The following VPS52 variants were observed in gnomAD, a reference collection of about 807,000 sequenced individuals.
VPS52 encodes VPS52 subunit of GARP complex.
VPS52 carries 56 observed loss-of-function variants against 98.7 expected under a neutral mutation model. The observed-to-expected ratio is 0.57, with a 90% CI of 0.46 to 0.71. VPS52 has a LOEUF of 0.71. Ranked by LOEUF, VPS52 falls within the 30% of genes least tolerant of loss-of-function variation. VPS52 has a pLI of 0.00. For missense variants in VPS52, 742 were observed against 925.9 expected (o/e 0.80, Z 2.58); for synonymous variants, 348 against 346.4 (o/e 1.00, Z -0.05).
intron 12 of VPS52, among the ~76,000 whole-genome samples, 164 bp from the exon 13 acceptor site, chr6:33,265,064 T>C (rs936397708): frequency 6.6e-6 from 1 of 152,014 alleles, no homozygotes; most frequent in Non-Finnish European, 1.5e-5. Context: ...CCAGGATCTA[T>C]GTTTTTGGCT....
intron 12 of VPS52, among the ~76,000 whole-genome samples, chr6:33,265,637 A>G (rs957721688): frequency 2.0e-5 from 3 of 151,906 alleles, no homozygotes; most frequent in East Asian, 3.9e-4. Context: ...CTCCCAAAGT[A>G]CTGGGATTGC....
rs949753617 is a variant in VPS52 at position 33,251,893 on chromosome 6, G to A, written c.1873C>T (p.Arg625Cys). 12 of 1,612,986 alleles carry A rather than the reference G, an allele frequency of 7.4e-6. No individual in the cohort carries two copies. Among genetic ancestry groups the A allele is most frequent in the South Asian group, 2.2e-5 (2 of 91,086 alleles). The part of the protein sequence containing the change: ...FVKEAEALIE[R>C]GQAERLRGEE... ...CCTCGAAGTCGCTCAGCCTGTCCACGCTCAATCAAAGCCTCAGCCTCCTTC... is the reference window on the plus strand; with the variant it reads ...CCTCGAAGTCGCTCAGCCTGTCCACACTCAATCAAAGCCTCAGCCTCCTTC... The change falls in exon 18 of 20, where the codon CGT becomes TGT. Residue 625 changes from arginine to cysteine, a missense_variant. By Grantham distance (180) the Arg-to-Cys change is radical. Transcript: ENST00000445902.
chr6:33,263,622 A>G (rs1330822043), intron 16 of VPS52, 73 bp from the exon 17 acceptor site: 1 of 1,598,590 alleles, frequency 6.3e-7, no homozygotes, highest in Non-Finnish European at 8.6e-7. Flanking sequence ...CCTTCATTCC[A>G]CACTTATTGT....
At chr6:33,251,753 A>G in intron 18 of VPS52, 107 bp downstream of exon 18, 9 of 1,433,864 alleles carry the variant, frequency 6.3e-6, no homozygotes, top group South Asian at 5.8e-5. Flanking sequence ...TATTCTCTCA[A>G]TCCAGTCTTT....
In VPS52 at chr6:33,264,050, T is replaced by G; in HGVS notation, c.1578A>C (p.Thr526=). 1 of 1,614,212 alleles carries G rather than the reference T, an allele frequency of 6.2e-7. No individual in the cohort carries two copies. The highest frequency in any genetic ancestry group is 1.1e-5 in the South Asian group (1 of 91,086). The part of the protein sequence containing the change: ...FSSALVSINQ[T]IPNERTMQLL... ...ATTGCATGGTCCGTTCATTAGGAAT[T>G]GTCTGGTTGATACTGACAAGAGCGG... Residue 526 remains threonine, a synonymous_variant, in exon 15 of 20, where the codon ACA becomes ACC. Transcript: ENST00000445902.
chr6:33,263,497 T>C lies in VPS52; in HGVS notation c.1781A>G (p.Asn594Ser). The C allele has an allele frequency of 6.2e-7, 1 of 1,613,590 alleles. No individual in the cohort carries two copies. The highest frequency in any genetic ancestry group is 8.5e-7 in the Non-Finnish European group (1 of 1,179,918). Residue 594 changes from asparagine (N) to serine (S), a missense_variant, in exon 17 of 20, where the codon AAT (asparagine) becomes AGT (serine). This residue lies in a region of VPS52 where 590 missense variants were observed against 793.3 expected (regional missense o/e 0.74). Transcript: ENST00000445902. ...KEVESFQQLL[N>S]ARTQEFIEEL... ...CCACACCCCTACCTGTGTCCGAGCA[T>C]TGAGCAGCTGCTGGAAGCTCTCAAC...
chr6:33,268,286 A>G lies in VPS52; in HGVS notation c.700-78T>C. On this transcript the variant is annotated intron_variant, in intron 7 of 19. Transcript: ENST00000445902. This position sits in a 1 kb window ranked among gnomAD's most constrained non-coding sequence, Gnocchi z 4.0. ...TGAGAGGAACTGGGGGAAGCAACAA[A>G]TGGTAAACATAGGCAGAAGGGTGGT... is the stretch of plus-strand genomic sequence containing the variant. 3.4e-6 allele frequency: 5 copies of G among 1,467,436 alleles called. No individual in the cohort carries two copies. The highest frequency in any genetic ancestry group is 3.8e-6 in the Non-Finnish European group (4 of 1,051,460). 90.9% of individuals were successfully genotyped at this position (1,467,436 alleles called of 1,614,324 possible). A position where few individuals can be genotyped will look rare whatever the true frequency, so the allele number is the denominator to read the frequency against.
Position 33,264,746 on chromosome 6 carries a change from T to TGGCCTGTTG in VPS52, c.1400+27_1400+35dup, listed in dbSNP as rs758030473. On this transcript the variant is annotated intron_variant, in intron 13 of 19. Coordinates refer to ENST00000445902, the MANE Select transcript of VPS52 (RefSeq NM_022553.6). ...AGTCATGCAAGACCAAGAGAGTTCG[T>TGGCCTGTTG]GGCCTGTTGGGCATCAAGGACCAGA... 46 of 1,583,030 alleles carry TGGCCTGTTG rather than the reference T, an allele frequency of 2.9e-5. No individual in the cohort carries two copies. In the East Asian group the frequency reaches 8.9e-4, roughly 31 times the overall value.
At position 33,267,065 on chromosome 6, in the gene VPS52, C is replaced by T; in HGVS notation, c.1125+123G>A. The T allele has an allele frequency of 7.4e-7, 1 of 1,354,146 alleles. No individual in the cohort carries two copies. The highest frequency in any genetic ancestry group is 9.7e-7 in the Non-Finnish European group (1 of 1,026,910). The allele number at this position is 1,354,146 out of a possible 1,614,324, so 83.9% of individuals were successfully genotyped here. A position where few individuals can be genotyped will look rare whatever the true frequency, so the allele number is the denominator to read the frequency against. ...AGGCTGGAGTGATTGGAGAAGGCCA[C>T]TCCCAAGTCTAAGGGGATTAAGACA... On this transcript the variant is annotated intron_variant, in intron 11 of 19. Coordinates refer to ENST00000445902, the MANE Select transcript of VPS52 (RefSeq NM_022553.6). The surrounding 1 kb of genome is among the most constrained non-coding windows in gnomAD (Gnocchi z 4.2).
chr6:33,268,415 T>C lies in VPS52; in HGVS notation c.699+84A>G, dbSNP rs138615128. 6.4e-5 allele frequency: 97 copies of C among 1,507,638 alleles called. No homozygotes were observed. The African/African-American group carries it at 1.2e-3, about 19-fold the overall frequency. The allele number at this position is 1,507,638 out of a possible 1,614,324, so 93.4% of individuals were successfully genotyped here. On this transcript the variant is annotated intron_variant, in intron 7 of 19. Transcript: ENST00000445902. This position sits in a 1 kb window ranked among gnomAD's most constrained non-coding sequence, Gnocchi z 4.0. ...TGAAGTCCCTGGAGACAGGCTACAG[T>C]GAGCTCTGCCAAGGAAATCCATAGT...
At position 33,268,677 on chromosome 6, in the gene VPS52, T is replaced by C; in HGVS notation, c.549-28A>G. On this transcript the variant is annotated intron_variant, in intron 6 of 19. Coordinates refer to ENST00000445902, the MANE Select transcript of VPS52 (RefSeq NM_022553.6). The surrounding 1 kb of genome is among the most constrained non-coding windows in gnomAD (Gnocchi z 4.0). ...GGTTAGCAGGGAGGGGTGGGATGAG[T>C]TACAAGGGAGACCCAGACATCCCTA... 6.4e-7 allele frequency: 1 copy of C among 1,574,254 alleles called. No homozygotes were observed. Among genetic ancestry groups the C allele is most frequent in the Non-Finnish European group, 8.6e-7 (1 of 1,165,840 alleles).
At chr6:33,264,302 T>C (rs1430101152) in intron 14 of VPS52, 72 bp downstream of exon 14, 1 of 1,590,970 alleles carries the variant, frequency 6.3e-7, no homozygotes, top group Non-Finnish European at 8.6e-7. Context: ...AACTGTGACC[T>C]TGGCCAACCC....
In VPS52 at chr6:33,264,894, G is replaced by T; in HGVS notation, c.1288C>A (p.Leu430Met). 1 of 1,612,392 alleles carries T rather than the reference G, an allele frequency of 6.2e-7. No individual in the cohort carries two copies. Among genetic ancestry groups the T allele is most frequent in the East Asian group, 2.2e-5 (1 of 44,880 alleles). ...TAGCAGTCAGCTAGATAAGAATCCA[G>T]GTGTTTCTGTGTGATTGGGGAACAA... ...GRTLSMTLKH[L>M]DSYLADCYDA... The change falls in exon 13 of 20, where the codon CTG (leucine) becomes ATG (methionine). Residue 430 changes from leucine to methionine, a missense_variant. Around this residue, in one of 2 missense-constraint regions of VPS52, gnomAD observed 590 missense variants for 793.3 expected, o/e 0.74. Transcript: ENST00000445902.
chr6:33,250,685 T>C lies in VPS52; in HGVS notation c.*156A>G. The C allele has an allele frequency of 1.0e-6, 1 of 968,538 alleles. No individual in the cohort carries two copies. Among genetic ancestry groups the C allele is most frequent in the Non-Finnish European group, 1.5e-6 (1 of 660,432 alleles). The allele number at this position is 968,538 out of a possible 1,614,324, so 60.0% of individuals were successfully genotyped here. ...GCCAAGGGGATCCAGCTTATCCTGT[T>C]GGGCAAGGTGCTGGGAGTGAAGGCA... On this transcript the variant is annotated 3_prime_UTR_variant, in exon 20 of 20. Coordinates refer to ENST00000445902, the MANE Select transcript of VPS52 (RefSeq NM_022553.6).
Position 33,264,821 on chromosome 6 carries a change from C to A in VPS52, c.1361G>T (p.Arg454Leu), listed in dbSNP as rs762035393. The change falls in exon 13 of 20, where the codon CGT becomes CTT. Residue 454 changes from arginine (R) to leucine (L), a missense_variant. Physicochemically the swap from Arg to Leu is moderately radical, Grantham distance 102. Around this residue, in one of 2 missense-constraint regions of VPS52, gnomAD observed 590 missense variants for 793.3 expected, o/e 0.74. Coordinates refer to ENST00000445902, the MANE Select transcript of VPS52 (RefSeq NM_022553.6). ...AACATCCCTCTTTGCTGCAATGTTA[C>A]GGAACCGGAGAACAATGTGGATACA... ...FLCIHIVLRFRNIAAKRDVPA... is the reference protein window; with the variant it reads ...FLCIHIVLRFLNIAAKRDVPA... The A allele has an allele frequency of 6.2e-7, 1 of 1,613,012 alleles. No individual in the cohort carries two copies. Among genetic ancestry groups the A allele is most frequent in the Non-Finnish European group, 8.5e-7 (1 of 1,180,016 alleles).
At chr6:33,251,114 C>T (rs1209745075) in intron 19 of VPS52, 127 bp from the exon 20 acceptor site, 5 of 1,332,736 alleles carry the variant, frequency 3.8e-6, no homozygotes, top group East Asian at 4.8e-5. Flanking sequence ...GAGGCCATGG[C>T]GGGCAGATCA....
intron 11 of VPS52, 132 bp from the exon 12 acceptor site, chr6:33,266,844 G>A (rs1011171964): frequency 2.8e-5 from 35 of 1,238,422 alleles, no homozygotes; most frequent in South Asian, 5.2e-5. Flanking sequence ...ATCTAGGTCC[G>A]GGCTGTCTAA....
chr6:33,268,066 A>C lies in VPS52; in HGVS notation c.800+42T>G. Reference sequence around the variant, plus strand: ...CCAGATGCCCACACTAGGCCGCTCAAAAACTCAAAGGCCATCCCATGCACT... The same window carrying C: ...CCAGATGCCCACACTAGGCCGCTCACAAACTCAAAGGCCATCCCATGCACT... On this transcript the variant is annotated intron_variant, in intron 8 of 19. Transcript: ENST00000445902. This position sits in a 1 kb window ranked among gnomAD's most constrained non-coding sequence, Gnocchi z 4.0. 6.2e-7 allele frequency: 1 copy of C among 1,613,022 alleles called. No individual in the cohort carries two copies. Among genetic ancestry groups the C allele is most frequent in the South Asian group, 1.1e-5 (1 of 91,082 alleles).
rs774638377 is a variant in VPS52 at position 33,271,696 on chromosome 6, G to A, written c.-21C>T. The A allele has an allele frequency of 1.3e-6, 2 of 1,597,280 alleles. No individual in the cohort carries two copies. The highest frequency in any genetic ancestry group is 1.1e-5 in the South Asian group (1 of 88,804). Reference sequence around the variant, plus strand: ...GCCATTCCCCGCAGCCTCACTTCCGGCAACTGTCAGTCCCGGCGAGTCCGT... The same window carrying A: ...GCCATTCCCCGCAGCCTCACTTCCGACAACTGTCAGTCCCGGCGAGTCCGT... On this transcript the variant is annotated 5_prime_UTR_variant, in exon 1 of 20. Coordinates refer to ENST00000445902, the MANE Select transcript of VPS52 (RefSeq NM_022553.6).
Sources: allele counts gnomAD v4.1 joint callset (sites outside exome capture counted in the v4.1 genomes callset), GRCh38; gene constraint gnomAD v4.1.1; regional missense constraint gnomAD v4.1.1; non-coding constraint Gnocchi (gnomAD v3.1); transcripts MANE v1.5; gene names NCBI Gene and HGNC (gene_info 2026-07-23, HGNC 2026-07-21).